XKR4: variants seen among roughly 807,000 people sequenced by gnomAD.
XKR4 encodes the protein XK related 4, also known as XK-related protein 4.
In XKR4, 12 loss-of-function variants were observed where a neutral mutation model predicts 53.9. The ratio of observed to expected loss-of-function variants is 0.22; its 90% CI spans 0.14 to 0.36. The LOEUF (loss-of-function observed/expected upper bound fraction) is 0.36, where lower values mean the gene tolerates loss of function less well. XKR4 is among the 10% of genes least tolerant of loss of function. XKR4 has a pLI of 1.00. For missense variants in XKR4, 799 were observed against 859.5 expected, an observed-to-expected ratio of 0.93 and a Z score of 0.88; for synonymous variants, 354 against 362.4, an observed-to-expected ratio of 0.98 and a Z score of 0.26.
intron 2 of XKR4, among the ~76,000 whole-genome samples, chr8:55,408,880 G>C (rs540738062): frequency 6.6e-6 from 1 of 151,912 alleles, no homozygotes; most frequent in African/African-American, 2.4e-5. Flanking sequence ...GGTGGCGTGC[G>C]CCTGTAGTCC....
At position 55,540,983 on chromosome 8, in the gene XKR4, T is replaced by G. The variant is rs1346389643; in HGVS notation, c.*16756T>G. 1 of 152,088 alleles carries G rather than the reference T, an allele frequency of 6.6e-6. No individual in the cohort carries two copies. The highest frequency in any genetic ancestry group is 2.4e-5 in the African/African-American group (1 of 41,412). 9.4% of individuals were successfully genotyped at this position (152,088 alleles called of 1,614,324 possible). A position where few individuals can be genotyped will look rare whatever the true frequency, so the allele number is the denominator to read the frequency against. The stretch of plus-strand genomic sequence containing the variant: ...TAATTAATAACATCTAATAGAAAAA[T>G]AGAAACATCGTGCTTAGCATGAAAC... On this transcript the variant is annotated 3_prime_UTR_variant, in exon 3 of 3. Transcript: ENST00000327381.
At position 55,431,586 on chromosome 8, in the gene XKR4, C is replaced by T. The variant is rs553100142; in HGVS notation, c.1006+73709C>T. Among the ~76,000 whole-genome samples, 10 of 152,226 alleles carry T rather than the reference C, an allele frequency of 6.6e-5. No homozygotes were observed. The East Asian group carries it at 1.3e-3, about 21-fold the overall frequency. ...ATGTATAAACCTGTGTTTATGTTAT[C>T]GCAGCCGATTCTTTGTTAGCATTTA... On this transcript the variant is annotated intron_variant, in intron 2 of 2. Coordinates refer to ENST00000327381, the MANE Select transcript of XKR4 (RefSeq NM_052898.2).
chr8:55,447,172 A>G (rs1265479237), intron 2 of XKR4, among the ~76,000 whole-genome samples: 1 of 152,220 alleles, frequency 6.6e-6, no homozygotes, highest in East Asian at 1.9e-4. Flanking sequence ...TCTGCCAGCC[A>G]AGAAACCATC....
intron 1 of XKR4, among the ~76,000 whole-genome samples, chr8:55,278,099 G>A (rs58227925): frequency 0.24 from 36,198 of 151,942 alleles, 4,645 homozygotes; most frequent in East Asian, 0.48. Context: ...CTTTGGGAGG[G>A]TGAGGTGGGT....
intron 2 of XKR4, among the ~76,000 whole-genome samples, chr8:55,409,006 CAAAAAAAAAAA>C (rs36030680): frequency 5.0e-4 from 33 of 65,728 alleles, no homozygotes; most frequent in African/African-American, 1.2e-3. Flanking sequence ...GACTCCGTCT[CAAAAAAAAAAA>C]AAAAAAAAGG....
At chr8:55,116,381 A>G (rs896843189) in intron 1 of XKR4, among the ~76,000 whole-genome samples, 3 of 152,172 alleles carry the variant, frequency 2.0e-5, no homozygotes, top group African/African-American at 7.2e-5. Flanking sequence ...CTGGTGAACA[A>G]CCTGCTCCCT....
At chr8:55,364,892 C>T (rs1803953787) in intron 2 of XKR4, among the ~76,000 whole-genome samples, 1 of 152,212 alleles carries the variant, frequency 6.6e-6, no homozygotes, top group Non-Finnish European at 1.5e-5. Context: ...ACCCAAAGTG[C>T]TGGGATTACA....
chr8:55,323,639 A>T (rs1803250231), intron 1 of XKR4, among the ~76,000 whole-genome samples: 2 of 152,228 alleles, frequency 1.3e-5, no homozygotes, highest in Non-Finnish European at 2.9e-5. Flanking sequence ...ATTTTGAATA[A>T]AAACCTCTGT....
intron 1 of XKR4, among the ~76,000 whole-genome samples, chr8:55,271,018 C>T (rs555256198): frequency 6.6e-6 from 1 of 152,312 alleles, no homozygotes; most frequent in African/African-American, 2.4e-5. Context: ...ATGGGCTCTG[C>T]TTGTGCTCAA....
chr8:55,517,140 A>AG (rs1806724741), intron 2 of XKR4: 1 of 152,144 alleles, frequency 6.6e-6, no homozygotes, highest in African/African-American at 2.4e-5. Context: ...GGGAGAGTGG[A>AG]GGGGGGTGAG....
intron 2 of XKR4, among the ~76,000 whole-genome samples, chr8:55,405,275 G>A (rs1351220553): frequency 6.6e-6 from 1 of 152,192 alleles, no homozygotes; most frequent in African/African-American, 2.4e-5. Context: ...CAAGCTGAGA[G>A]GGGCCAGAGA....
Position 55,523,766 on chromosome 8 carries a change from A to G in XKR4, c.1492A>G (p.Ser498Gly). The G allele has an allele frequency of 6.2e-7, 1 of 1,614,200 alleles. No homozygotes were observed. The highest frequency in any genetic ancestry group is 8.5e-7 in the Non-Finnish European group (1 of 1,180,044). The change falls in exon 3 of 3, where the codon AGC becomes GGC. Residue 498 changes from serine (S) to glycine (G), a missense_variant. Ser to Gly is a moderately conservative substitution (Grantham distance 56). This residue lies in a region of XKR4 where 269 missense variants were observed against 264.4 expected (regional missense o/e 1.02). Transcript: ENST00000327381. ...AIPALCVVFS[S>G]FLTGVVFMLM... ...TCCAGCGCTGTGTGTGGTGTTCAGC[A>G]GCTTTTTAACTGGCGTTGTTTTTAT...
At position 55,449,872 on chromosome 8, in the gene XKR4, GTGCTGGTGC is replaced by G. The variant is rs1242459373; in HGVS notation, c.1007-73405_1007-73397del. ...CAGCTGTCTGGAACTGGCTGTAAGG[GTGCTGGTGC>G]TGCCGCAGGCAGCCTGGCGGGAGCC... On this transcript the variant is annotated intron_variant, in intron 2 of 2. Coordinates refer to ENST00000327381, the MANE Select transcript of XKR4 (RefSeq NM_052898.2). 3.2e-6 allele frequency: 3 copies of G among 939,374 alleles called. No homozygotes were observed. In the African/African-American group the frequency reaches 4.8e-5, roughly 15 times the overall value. 58.2% of individuals were successfully genotyped at this position (939,374 alleles called of 1,614,324 possible).
At chr8:55,284,731 C>A (rs931830252) in intron 1 of XKR4, among the ~76,000 whole-genome samples, 2 of 152,176 alleles carry the variant, frequency 1.3e-5, no homozygotes, top group Non-Finnish European at 2.9e-5. Flanking sequence ...CCACCACATT[C>A]CATTCATTAG....
chr8:55,256,195 G>A (rs1818437405), intron 1 of XKR4, among the ~76,000 whole-genome samples: 1 of 152,126 alleles, frequency 6.6e-6, no homozygotes, highest in Non-Finnish European at 1.5e-5. Flanking sequence ...TTGCTAGAAG[G>A]TAAAGTGTGA....
chr8:55,361,023 T>A (rs1327322395), intron 2 of XKR4, among the ~76,000 whole-genome samples: 1 of 152,184 alleles, frequency 6.6e-6, no homozygotes, highest in Non-Finnish European at 1.5e-5. Flanking sequence ...AACCTGAATA[T>A]GCAGCTCTTC....
chr8:55,489,055 C>T (rs1364021909), intron 2 of XKR4, among the ~76,000 whole-genome samples: 1 of 151,776 alleles, frequency 6.6e-6, no homozygotes, highest in African/African-American at 2.4e-5. Context: ...CTGTATGATA[C>T]TACAATGGTG....
chr8:55,286,827 G>A (rs1428278063), intron 1 of XKR4, among the ~76,000 whole-genome samples: 3 of 152,162 alleles, frequency 2.0e-5, no homozygotes, highest in African/African-American at 7.2e-5. Flanking sequence ...TGGGGAATGT[G>A]TCTTTAAAAT....
At chr8:55,430,213 G>A (rs1235551659) in intron 2 of XKR4, among the ~76,000 whole-genome samples, 1 of 152,130 alleles carries the variant, frequency 6.6e-6, no homozygotes, top group African/African-American at 2.4e-5. Context: ...AATTAAAAAT[G>A]ATATAGCCAC....
Sources: allele counts gnomAD v4.1 joint callset (sites outside exome capture counted in the v4.1 genomes callset), GRCh38; gene constraint gnomAD v4.1.1; regional missense constraint gnomAD v4.1.1; transcripts MANE v1.5; gene names NCBI Gene and HGNC (gene_info 2026-07-23, HGNC 2026-07-21).